HDAC4: variants seen among roughly 807,000 people sequenced by gnomAD.
HDAC4 encodes the protein histone deacetylase 4, also known as histone deacetylase A.
HDAC4 carries 16 observed loss-of-function variants against 135.1 expected under a neutral mutation model. That is an observed-to-expected ratio of 0.12 (90% CI 0.08 to 0.18). The LOEUF (loss-of-function observed/expected upper bound fraction) is 0.18. HDAC4 is among the 10% of genes least tolerant of loss of function. The pLI is 1.00. For synonymous variants in HDAC4, 685 were observed against 653.4 expected (o/e 1.05, Z -0.74); for missense variants, 1,143 against 1,511.8 (o/e 0.76, Z 4.05).
chr2:239,219,903 G>GTCA (rs2046855150), intron 3 of HDAC4, among the ~76,000 whole-genome samples: 1 of 152,182 alleles, frequency 6.6e-6, no homozygotes. Flanking sequence ...GACACACATG[G>GTCA]TCAGCACTAG....
At chr2:239,347,296 AGAG>A (rs1692788455) in intron 2 of HDAC4, among the ~76,000 whole-genome samples, 1 of 152,232 alleles carries the variant, frequency 6.6e-6, no homozygotes, top group Non-Finnish European at 1.5e-5. Flanking sequence ...AAGCAATCCC[AGAG>A]GAGAGCCTTC....
At chr2:239,250,994 G>A (rs887115587) in intron 2 of HDAC4, among the ~76,000 whole-genome samples, 1 of 152,180 alleles carries the variant, frequency 6.6e-6, no homozygotes, top group Non-Finnish European at 1.5e-5. Context: ...ACTTACCGGT[G>A]CAGCCAGCAC....
chr2:239,118,100 A>ACT (rs1459032190), intron 12 of HDAC4, among the ~76,000 whole-genome samples: 2 of 151,970 alleles, frequency 1.3e-5, no homozygotes, highest in Non-Finnish European at 2.9e-5. Context: ...TGAGACGCAG[A>ACT]CTCACACACA....
At chr2:239,073,667 C>A (rs2034431308) in intron 22 of HDAC4, among the ~76,000 whole-genome samples, 1 of 152,254 alleles carries the variant, frequency 6.6e-6, no homozygotes, top group South Asian at 2.1e-4. Context: ...CCTACTGGGA[C>A]CCCACCACAA....
chr2:239,261,241 T>C (rs771625195), intron 2 of HDAC4, among the ~76,000 whole-genome samples: 8 of 152,130 alleles, frequency 5.3e-5, no homozygotes, highest in Non-Finnish European at 8.8e-5. Flanking sequence ...GTGAGACAGG[T>C]ACTGCCGAGG....
rs572213742 is a variant in HDAC4, at chr2:239,220,360, C to G, written c.94+16233G>C. On this transcript the variant is annotated intron_variant, in intron 3 of 26. Transcript: ENST00000543185. ...CATGTAAGTAACTACAAAAGGAACC[C>G]AAACAAATAAAAACATTAGACTCAA... Among the ~76,000 whole-genome samples, 201 of 152,172 alleles carry G rather than the reference C, an allele frequency of 1.3e-3. 1 individual carries two copies. Among genetic ancestry groups the G allele is most frequent in the African/African-American group, 4.6e-3 (191 of 41,506 alleles).
At chr2:239,118,137 AGAGCCCT>A in intron 12 of HDAC4, among the ~76,000 whole-genome samples, 1 of 152,296 alleles carries the variant, frequency 6.6e-6, no homozygotes, top group East Asian at 1.9e-4. Context: ...TTCAGCCTCC[AGAGCCCT>A]GCTGTGCCTC....
chr2:239,380,439 T>C (rs1299663781), intron 1 of HDAC4, among the ~76,000 whole-genome samples: 3 of 152,238 alleles, frequency 2.0e-5, no homozygotes, highest in Admixed American at 2.0e-4. Flanking sequence ...TATAAACATT[T>C]GTTTTTTCCC....
intron 1 of HDAC4, among the ~76,000 whole-genome samples, chr2:239,380,477 T>C (rs190684119): frequency 1.3e-5 from 2 of 152,212 alleles, no homozygotes; most frequent in African/African-American, 4.8e-5. Flanking sequence ...TAGCAAACAT[T>C]TGAGTTCACC....
At chr2:239,117,604 G>A (rs551392363) in intron 12 of HDAC4, among the ~76,000 whole-genome samples, 8 of 150,820 alleles carry the variant, frequency 5.3e-5, no homozygotes, top group African/African-American at 1.2e-4. Context: ...GAGAGAGGGC[G>A]GGGGTCTGGA....
At chr2:239,258,573 C>T (rs11899184) in intron 2 of HDAC4, among the ~76,000 whole-genome samples, 332 of 152,276 alleles carry the variant, frequency 2.2e-3, no homozygotes, top group African/African-American at 7.7e-3. Flanking sequence ...CTAACCAGCA[C>T]GGGCATTCTT....
intron 24 of HDAC4, among the ~76,000 whole-genome samples, chr2:239,060,867 C>T (rs369846894): frequency 6.6e-6 from 1 of 152,228 alleles, no homozygotes; most frequent in East Asian, 1.9e-4. Context: ...GAGGGGGCCC[C>T]AGGGAAGGGG....
In HDAC4 at chr2:239,167,837, G is replaced by A. The variant is rs1315790477; in HGVS notation, c.491-3914C>T. 2.0e-5 allele frequency among the ~76,000 whole-genome samples: 3 copies of A among 151,952 alleles called. No homozygotes were observed. Among genetic ancestry groups the A allele is most frequent in the African/African-American group, 7.3e-5 (3 of 41,352 alleles). On this transcript the variant is annotated intron_variant, in intron 5 of 26. Transcript: ENST00000543185. This position sits in a 1 kb window ranked among gnomAD's most constrained non-coding sequence, Gnocchi z 4.1. ...CCGTTCTGGCCAGCAGAGATGAAGCGGTGGATAAAAGAGGCCAAGTTCTTC... is the reference window on the plus strand; with the variant it reads ...CCGTTCTGGCCAGCAGAGATGAAGCAGTGGATAAAAGAGGCCAAGTTCTTC...
rs565881435 is a variant in HDAC4, at chr2:239,072,728, C to T, written c.2751-4121G>A. ...TTCAGCTTTTATTACAAATGAAATT[C>T]CCCACTGATGTCACTGAAAGTATCA... On this transcript the variant is annotated intron_variant, in intron 22 of 26. Coordinates refer to ENST00000543185, the MANE Select transcript of HDAC4 (RefSeq NM_001378414.1). Among the ~76,000 whole-genome samples the T allele has an allele frequency of 5.9e-5, 9 of 152,376 alleles. No individual in the cohort carries two copies. In the South Asian group the frequency reaches 1.9e-3, roughly 32 times the overall value.
At chr2:239,255,040 G>A (rs12151485) in intron 2 of HDAC4, among the ~76,000 whole-genome samples, 48,857 of 151,924 alleles carry the variant, frequency 0.32, 9,068 homozygotes, top group East Asian at 0.56. Context: ...CTATCATTCG[G>A]GTAAAAGGGA....
At chr2:239,238,393 G>A (rs1300548173) in intron 2 of HDAC4, among the ~76,000 whole-genome samples, 2 of 152,040 alleles carry the variant, frequency 1.3e-5, no homozygotes, top group Non-Finnish European at 2.9e-5. Context: ...AGATCTCAAT[G>A]TAGCTGCAGT....
rs771617717 is a variant in HDAC4, at chr2:239,115,016, G to A, written c.1791+37C>T. The A allele has an allele frequency of 5.3e-5, 85 of 1,603,740 alleles. No homozygotes were observed. The Admixed American group carries it at 7.0e-4, about 13-fold the overall frequency. On this transcript the variant is annotated intron_variant, in intron 13 of 26. Transcript: ENST00000543185. This position sits in a 1 kb window ranked among gnomAD's most constrained non-coding sequence, Gnocchi z 6.3. ...ACCTGGGGACCGAGGGTGGCTGTGC[G>A]TGCCAGCCTTCTGGTGCCCTCCCCG...
At chr2:239,125,955 T>C (rs1158814806) in intron 12 of HDAC4, among the ~76,000 whole-genome samples, 1 of 152,272 alleles carries the variant, frequency 6.6e-6, no homozygotes, top group African/African-American at 2.4e-5. Context: ...GCTTACCCTG[T>C]ACGCTGCTCA....
At chr2:239,339,617 G>A (rs1348240795) in intron 2 of HDAC4, among the ~76,000 whole-genome samples, 2 of 152,196 alleles carry the variant, frequency 1.3e-5, no homozygotes, top group African/African-American at 4.8e-5. Context: ...TCCCTCAGCA[G>A]AGCTCCAGAG....
Sources: allele counts gnomAD v4.1 joint callset (sites outside exome capture counted in the v4.1 genomes callset), GRCh38; gene constraint gnomAD v4.1.1; non-coding constraint Gnocchi (gnomAD v3.1); transcripts MANE v1.5; gene names NCBI Gene and HGNC (gene_info 2026-07-23, HGNC 2026-07-21).